NRG1: variants seen among roughly 807,000 people sequenced by gnomAD.
NRG1 encodes neuregulin 1.
A neutral mutation model predicts 63.8 loss-of-function variants in NRG1; 18 were observed. The observed-to-expected ratio is 0.28, with a 90% confidence interval of 0.19 to 0.42. The LOEUF (loss-of-function observed/expected upper bound fraction) is 0.42, where lower values mean the gene tolerates loss of function less well. NRG1 is among the 10% of genes least tolerant of loss of function. NRG1 has a pLI of 1.00. For missense variants in NRG1, 762 were observed against 814.7 expected (o/e 0.94, Z 0.79); for synonymous variants, 302 against 301.3 (o/e 1.00, Z -0.02).
At chr8:32,640,620 GCACA>G (rs58796067) in intron 5 of NRG1, among the ~76,000 whole-genome samples, 37,008 of 131,980 alleles carry the variant, frequency 0.28, 4,953 homozygotes, top group East Asian at 0.5. Flanking sequence ...TCTCAGACCC[GCACA>G]CACACACACA....
At chr8:32,176,898 A>G (rs538340595) in intron 1 of NRG1, among the ~76,000 whole-genome samples, 1 of 152,226 alleles carries the variant, frequency 6.6e-6, no homozygotes, top group South Asian at 2.1e-4. Flanking sequence ...AACTAGTTCA[A>G]CCACTGTGGA....
At chr8:32,746,051 A>G (rs1827369580) in intron 7 of NRG1, among the ~76,000 whole-genome samples, 1 of 152,122 alleles carries the variant, frequency 6.6e-6, no homozygotes, top group Non-Finnish European at 1.5e-5. Context: ...CTAAAAGTAG[A>G]ATAGAGGAAC....
At chr8:31,963,868 A>T (rs1454582124) in intron 1 of NRG1, among the ~76,000 whole-genome samples, 1 of 152,202 alleles carries the variant, frequency 6.6e-6, no homozygotes, top group Non-Finnish European at 1.5e-5. Context: ...TAGGTCAGTC[A>T]TGCCATTTTA....
At chr8:32,744,060 A>G (rs964557068) in intron 7 of NRG1, among the ~76,000 whole-genome samples, 2 of 152,112 alleles carry the variant, frequency 1.3e-5, no homozygotes, top group African/African-American at 4.8e-5. Flanking sequence ...AAAATATGTC[A>G]CATAGCTTAC....
At chr8:31,758,595 G>T (rs577928337) in intron 1 of NRG1, among the ~76,000 whole-genome samples, 216 of 152,194 alleles carry the variant, frequency 1.4e-3, no homozygotes, top group Non-Finnish European at 2.5e-3. Flanking sequence ...GGATTATTTA[G>T]CTTGGTGTAA....
At chr8:31,767,644 A>G (rs1194672812) in intron 1 of NRG1, among the ~76,000 whole-genome samples, 2 of 152,234 alleles carry the variant, frequency 1.3e-5, no homozygotes, top group Non-Finnish European at 2.9e-5. Context: ...GTTCCAGACC[A>G]GCTTTCCCAA....
At chr8:32,359,535 A>G (rs1323393935) in intron 1 of NRG1, among the ~76,000 whole-genome samples, 4 of 152,244 alleles carry the variant, frequency 2.6e-5, no homozygotes, top group South Asian at 2.1e-4. Flanking sequence ...GCCTTTTCCA[A>G]TGTCTTGAAA....
chr8:32,245,828 G>T (rs933610298), intron 1 of NRG1, among the ~76,000 whole-genome samples: 1 of 152,066 alleles, frequency 6.6e-6, no homozygotes, highest in African/African-American at 2.4e-5. Context: ...ACCACTTGAG[G>T]CTAGGAAGCT....
intron 1 of NRG1, among the ~76,000 whole-genome samples, chr8:32,223,209 T>A (rs1846001209): frequency 6.6e-6 from 1 of 152,206 alleles, no homozygotes; most frequent in Admixed American, 6.5e-5. Flanking sequence ...ATAAAGAGCA[T>A]TTATAAAATG....
At chr8:32,630,064 A>T (rs1468369859) in intron 5 of NRG1, among the ~76,000 whole-genome samples, 1 of 152,208 alleles carries the variant, frequency 6.6e-6, no homozygotes, top group Non-Finnish European at 1.5e-5. Flanking sequence ...TAGAAGCAGG[A>T]TTTAACCTCA....
chr8:32,431,739 GT>G (rs141074862), intron 1 of NRG1, among the ~76,000 whole-genome samples: 28,953 of 148,464 alleles, frequency 0.2, 3,111 homozygotes, highest in South Asian at 0.3. Context: ...ATCTCTCAGG[GT>G]TTTTTTTTTC....
intron 1 of NRG1, among the ~76,000 whole-genome samples, chr8:31,767,090 G>T (rs1264916585): frequency 6.6e-6 from 1 of 151,980 alleles, no homozygotes; most frequent in Non-Finnish European, 1.5e-5. Flanking sequence ...TCTTTCAAGG[G>T]CTTGCTGTAA....
chr8:31,823,117 C>CTTTT (rs147209584), intron 1 of NRG1, among the ~76,000 whole-genome samples: 73 of 77,882 alleles, frequency 9.4e-4, no homozygotes, highest in African/African-American at 1.0e-3. Context: ...TGTCCTTGTT[C>CTTTT]TTTTTTTTTT....
intron 1 of NRG1, among the ~76,000 whole-genome samples, chr8:31,797,713 T>C (rs1276672586): frequency 6.6e-6 from 1 of 152,252 alleles, no homozygotes; most frequent in Non-Finnish European, 1.5e-5. Context: ...ATTTATTTAT[T>C]GCAGCACTAT....
chr8:32,729,516 A>T (rs139013759), intron 6 of NRG1, among the ~76,000 whole-genome samples: 307 of 152,352 alleles, frequency 2.0e-3, no homozygotes, highest in African/African-American at 7.0e-3. Context: ...TTGTCACAAA[A>T]ACTGTTTTCT....
At chr8:32,686,999 A>G (rs571087522) in intron 5 of NRG1, among the ~76,000 whole-genome samples, 1 of 152,322 alleles carries the variant, frequency 6.6e-6, no homozygotes, top group South Asian at 2.1e-4. Flanking sequence ...CTTGCATGCT[A>G]ACTTCTTCAT....
chr8:32,077,603 T>TA (rs1371092245), intron 1 of NRG1, among the ~76,000 whole-genome samples: 2 of 152,190 alleles, frequency 1.3e-5, no homozygotes, highest in African/African-American at 4.8e-5. Context: ...TTTGAAATTT[T>TA]AAAAAACCTG....
chr8:32,191,037 G>A (rs1428638131), intron 1 of NRG1, among the ~76,000 whole-genome samples: 2 of 151,952 alleles, frequency 1.3e-5, no homozygotes, highest in Non-Finnish European at 2.9e-5. Context: ...GATGTTCACT[G>A]TGCAAACAAT....
At chr8:32,229,663 G>A (rs1010663401) in intron 1 of NRG1, among the ~76,000 whole-genome samples, 4 of 151,976 alleles carry the variant, frequency 2.6e-5, no homozygotes, top group African/African-American at 4.8e-5. Context: ...GAGTCAATGC[G>A]GAAAACGCTG....
Sources: allele counts gnomAD v4.1 joint callset (sites outside exome capture counted in the v4.1 genomes callset), GRCh38; gene constraint gnomAD v4.1.1; transcripts MANE v1.5; gene names NCBI Gene and HGNC (gene_info 2026-07-23, HGNC 2026-07-21).